RAD54B: variants seen among roughly 807,000 people sequenced by gnomAD.
RAD54B encodes the protein RAD54 homolog B.
A neutral mutation model predicts 95.8 loss-of-function variants in RAD54B; 78 were observed. The observed-to-expected ratio is 0.81, with a 90% confidence interval of 0.68 to 0.98. The LOEUF (loss-of-function observed/expected upper bound fraction) is 0.98, where lower values mean the gene tolerates loss of function less well. Ranked by LOEUF, RAD54B falls within the 50% of genes least tolerant of loss-of-function variation. The probability of loss-of-function intolerance (pLI) is 0.00; values close to 1 mark genes in which losing one functional copy is unlikely to be tolerated. For missense variants in RAD54B, 957 were observed against 1,056.6 expected (o/e 0.91, Z 1.31); for synonymous variants, 328 against 354.9 (o/e 0.92, Z 0.85).
chr8:94,422,362 G>A (rs748369098), intron 3 of RAD54B, among the ~76,000 whole-genome samples: 4 of 150,890 alleles, frequency 2.7e-5, no homozygotes, highest in Non-Finnish European at 5.9e-5. Context: ...TGAGGCAGGC[G>A]GATTACCTGA....
Position 94,378,302 on chromosome 8 carries a change from G to A in RAD54B, c.2393C>T (p.Thr798Ile), listed in dbSNP as rs1217465686. The A allele has an allele frequency of 1.2e-6, 2 of 1,613,764 alleles. No individual in the cohort carries two copies. The highest frequency in any genetic ancestry group is 2.7e-5 in the African/African-American group (2 of 74,904). Residue 798 changes from threonine (T) to isoleucine (I), a missense_variant, in exon 14 of 15, where the codon ACA (threonine) becomes ATA (isoleucine). By Grantham distance (89) the Thr-to-Ile change is moderately conservative. Transcript: ENST00000336148. ...LCGAVVDLTK[T>I]SEHIQFSVEE... ...TACTGAAAACTGAATATGTTCAGATGTCTTGGTGAGGTCGACAACTGCCCC... is the reference window on the plus strand; with the variant it reads ...TACTGAAAACTGAATATGTTCAGATATCTTGGTGAGGTCGACAACTGCCCC...
rs557560967 is a variant in RAD54B at position 94,396,180 on chromosome 8, A to AT, written c.1379-2299dup. 5.1e-4 allele frequency among the ~76,000 whole-genome samples: 78 copies of AT among 152,124 alleles called. 1 individual carries two copies. Among genetic ancestry groups the AT allele is most frequent in the African/African-American group, 1.9e-3 (77 of 41,514 alleles). ...TAGCATCATTGTAAGAGTTTGTCAC[A>AT]TTGCTTTCTAGTGGTAATTTAGATC... On this transcript the variant is annotated intron_variant, in intron 8 of 14. Coordinates refer to ENST00000336148, the MANE Select transcript of RAD54B (RefSeq NM_012415.3).
At chr8:94,472,579 A>G (rs1029224372) in intron 1 of RAD54B, among the ~76,000 whole-genome samples, 2 of 152,226 alleles carry the variant, frequency 1.3e-5, no homozygotes, top group Non-Finnish European at 2.9e-5. Context: ...TGTTCTCTAC[A>G]TTAGTCAGAC....
chr8:94,423,518 A>T (rs1436478704), intron 3 of RAD54B, among the ~76,000 whole-genome samples: 1 of 152,240 alleles, frequency 6.6e-6, no homozygotes, highest in Non-Finnish European at 1.5e-5. Flanking sequence ...ATGTTCTTTC[A>T]TAACCATAAT....
chr8:94,450,205 T>C (rs1812621668), intron 3 of RAD54B, among the ~76,000 whole-genome samples: 1 of 152,230 alleles, frequency 6.6e-6, no homozygotes, highest in African/African-American at 2.4e-5. Flanking sequence ...GTCTAGGTTG[T>C]TATATAAGGA....
chr8:94,472,811 A>C (rs898916512), intron 1 of RAD54B, among the ~76,000 whole-genome samples: 1 of 152,226 alleles, frequency 6.6e-6, no homozygotes, highest in Non-Finnish European at 1.5e-5. Flanking sequence ...TTCTTTCAAC[A>C]CTAAATGCGA....
In RAD54B at chr8:94,372,324, G is replaced by A. The variant is rs757720902; in HGVS notation, c.2579C>T (p.Ser860Phe). 2 of 1,613,710 alleles carry A rather than the reference G, an allele frequency of 1.2e-6. No individual in the cohort carries two copies. The highest frequency in any genetic ancestry group is 2.7e-5 in the African/African-American group (2 of 74,928). The change falls in exon 15 of 15, where the codon TCT becomes TTT. Residue 860 changes from serine (S) to phenylalanine (F), a missense_variant. Ser to Phe is a radical substitution (Grantham distance 155). Coordinates refer to ENST00000336148, the MANE Select transcript of RAD54B (RefSeq NM_012415.3). ...CATAGAAAGAGGTTTCAGGGAGTTA[G>A]ATTTCTGGTGATGTGGACCAAGCTG... ...DCQLGPHHQK[S>F]NSLKPLSMSQ...
chr8:94,462,771 C>T (rs1812937191), intron 2 of RAD54B, among the ~76,000 whole-genome samples: 1 of 151,908 alleles, frequency 6.6e-6, no homozygotes, highest in African/African-American at 2.4e-5. Context: ...CAAAAATGCC[C>T]CACTTCAGTT....
At chr8:94,386,213 A>T (rs1007320215) in intron 11 of RAD54B, among the ~76,000 whole-genome samples, 2 of 149,884 alleles carry the variant, frequency 1.3e-5, no homozygotes, top group Admixed American at 6.8e-5. Flanking sequence ...GAAATTAAAA[A>T]ATAAAATCAA....
intron 3 of RAD54B, among the ~76,000 whole-genome samples, chr8:94,441,346 T>C (rs1586025995): frequency 1.3e-5 from 2 of 152,140 alleles, no homozygotes; most frequent in African/African-American, 4.8e-5. Context: ...CTCCAGAACA[T>C]CTAACCAAAA....
At chr8:94,423,787 T>C (rs1270504712) in intron 3 of RAD54B, among the ~76,000 whole-genome samples, 2 of 152,254 alleles carry the variant, frequency 1.3e-5, no homozygotes, top group Non-Finnish European at 2.9e-5. Context: ...GCAATTTTAG[T>C]CAATTTTAAT....
At chr8:94,409,872 TAA>T (rs923476899) in intron 4 of RAD54B, among the ~76,000 whole-genome samples, 1 of 152,212 alleles carries the variant, frequency 6.6e-6, no homozygotes, top group Non-Finnish European at 1.5e-5. Context: ...AGAATTTCAC[TAA>T]AGAGGCAATA....
rs1304477741 is a variant in RAD54B, at chr8:94,380,137, A to G, written c.2247+8T>C. On this transcript the variant is annotated splice_region_variant and intron_variant, in intron 12 of 14. Coordinates refer to ENST00000336148, the MANE Select transcript of RAD54B (RefSeq NM_012415.3). Reference sequence around the variant, plus strand: ...AATAATATCTATTTAATGCATAAATATTCCTACCTGAATGTCAGTGGCTGG... The same window carrying G: ...AATAATATCTATTTAATGCATAAATGTTCCTACCTGAATGTCAGTGGCTGG... 5 of 1,602,026 alleles carry G rather than the reference A, an allele frequency of 3.1e-6. No homozygotes were observed. The South Asian group carries it at 5.6e-5, about 18-fold the overall frequency.
intron 7 of RAD54B, among the ~76,000 whole-genome samples, 171 bp downstream of exon 7, chr8:94,400,067 T>C (rs1811234178): frequency 6.6e-6 from 1 of 152,148 alleles, no homozygotes. Context: ...TTTCAACATA[T>C]GAATCTGGGG....
chr8:94,428,949 A>T, intron 3 of RAD54B: 8 of 983,256 alleles, frequency 8.1e-6, no homozygotes, highest in Non-Finnish European at 8.5e-6. Context: ...TCAAATAAAT[A>T]ATTTTCTTTA....
In RAD54B at chr8:94,458,542, T is replaced by C. The variant is rs1055440657; in HGVS notation, c.136-106A>G. 8 of 818,910 alleles carry C rather than the reference T, an allele frequency of 9.8e-6. No homozygotes were observed. The African/African-American group carries it at 1.2e-4, about 13-fold the overall frequency. 50.7% of individuals were successfully genotyped at this position (818,910 alleles called of 1,614,324 possible). A position where few individuals can be genotyped will look rare whatever the true frequency, so the allele number is the denominator to read the frequency against. On this transcript the variant is annotated intron_variant, in intron 2 of 14. Transcript: ENST00000336148. ...AATTTAAAACAGGACATACTGGTTA[T>C]ATATATAAACTAGAACTAGATATTT...
intron 14 of RAD54B, among the ~76,000 whole-genome samples, chr8:94,373,384 G>A (rs2129933886): frequency 1.6e-5 from 2 of 126,978 alleles, no homozygotes; most frequent in South Asian, 5.7e-4. Context: ...CTCCCTTACG[G>A]TTAGATATTG....
intron 2 of RAD54B, among the ~76,000 whole-genome samples, chr8:94,466,848 A>G (rs1813036054): frequency 6.6e-6 from 1 of 152,188 alleles, no homozygotes; most frequent in Admixed American, 6.5e-5. Context: ...ACTGATTAGA[A>G]TCTCCACCCC....
rs1209710874 is a variant in RAD54B at position 94,411,178 on chromosome 8, T to TAAGA, written c.438_441dup (p.Ile148SerfsTer25). ...AATATAAATGACTTTCCTTTTACAATAAGAACAGCATCACCTTCCCACTTT... is the reference window on the plus strand; with the variant it reads ...AATATAAATGACTTTCCTTTTACAATAAGAAAGAACAGCATCACCTTCCCACTTT... On this transcript the variant is annotated frameshift_variant, in exon 4 of 15. Transcript: ENST00000336148. LOFTEE classifies it high-confidence loss of function. 1.2e-6 allele frequency: 2 copies of TAAGA among 1,610,942 alleles called. No homozygotes were observed. Among genetic ancestry groups the TAAGA allele is most frequent in the South Asian group, 2.2e-5 (2 of 90,396 alleles).
Sources: allele counts gnomAD v4.1 joint callset (sites outside exome capture counted in the v4.1 genomes callset), GRCh38; gene constraint gnomAD v4.1.1; transcripts MANE v1.5; gene names NCBI Gene and HGNC (gene_info 2026-07-23, HGNC 2026-07-21).